The following SGMS2 variants were observed in gnomAD, a reference collection of about 807,000 sequenced individuals.
SGMS2 encodes the protein sphingomyelin synthase 2.
SGMS2 carries 21 observed loss-of-function variants against 43.8 expected under a neutral mutation model. The ratio of observed to expected loss-of-function variants is 0.48; its 90% CI spans 0.34 to 0.69. The LOEUF is 0.69. SGMS2 is among the 30% of genes least tolerant of loss of function. The pLI is 0.01. For missense variants in SGMS2, 384 were observed against 443.2 expected (o/e 0.87, Z 1.20); for synonymous variants, 167 against 160.6 (o/e 1.04, Z -0.30).
intron 2 of SGMS2, among the ~76,000 whole-genome samples, chr4:107,862,986 A>T (rs1182033635): frequency 1.3e-5 from 2 of 152,190 alleles, no homozygotes; most frequent in African/African-American, 4.8e-5. Flanking sequence ...CTTATGTGTT[A>T]TAAGGTGGGG....
At chr4:107,896,116 C>G in intron 3 of SGMS2, 108 bp downstream of exon 3, 1 of 997,712 alleles carries the variant, frequency 1.0e-6, no homozygotes. Flanking sequence ...TTCAGTCTTA[C>G]CCAAACATTT....
intron 1 of SGMS2, among the ~76,000 whole-genome samples, chr4:107,831,103 G>A: frequency 6.6e-6 from 1 of 152,188 alleles, no homozygotes; most frequent in Admixed American, 6.5e-5. Context: ...CCTTAAAGTA[G>A]CCAAGGGTAC....
chr4:107,900,572 C>T (rs899486874), intron 4 of SGMS2, among the ~76,000 whole-genome samples: 3 of 152,162 alleles, frequency 2.0e-5, no homozygotes, highest in Admixed American at 6.5e-5. Context: ...GTGAGGATGT[C>T]TTCTGAAACC....
At chr4:107,846,178 T>C (rs1477270931) in intron 1 of SGMS2, among the ~76,000 whole-genome samples, 1 of 151,340 alleles carries the variant, frequency 6.6e-6, no homozygotes, top group Non-Finnish European at 1.5e-5. Context: ...TAGTTACATA[T>C]GTATACATGT....
intron 2 of SGMS2, among the ~76,000 whole-genome samples, chr4:107,860,264 T>A (rs1288498287): frequency 6.6e-6 from 1 of 152,132 alleles, no homozygotes; most frequent in African/African-American, 2.4e-5. Context: ...GACACTTTCC[T>A]CATTCTTTTT....
chr4:107,909,618 T>C (rs559343123), intron 6 of SGMS2, among the ~76,000 whole-genome samples: 5 of 152,332 alleles, frequency 3.3e-5, no homozygotes, highest in African/African-American at 9.6e-5. Context: ...TCCAGGAAGC[T>C]GTCTCTAACT....
intron 1 of SGMS2, among the ~76,000 whole-genome samples, chr4:107,847,907 A>G (rs1213908967): frequency 6.6e-6 from 1 of 152,164 alleles, no homozygotes; most frequent in East Asian, 1.9e-4. Flanking sequence ...TTGTACAGTT[A>G]AGGAGCCAAT....
chr4:107,852,787 G>C (rs1021057063), intron 1 of SGMS2, among the ~76,000 whole-genome samples: 3 of 151,276 alleles, frequency 2.0e-5, no homozygotes, highest in Non-Finnish European at 1.5e-5. Context: ...TTGGTTAATA[G>C]GCTCAGAACT....
At chr4:107,832,230 T>C (rs1283511117) in intron 1 of SGMS2, among the ~76,000 whole-genome samples, 1 of 152,246 alleles carries the variant, frequency 6.6e-6, no homozygotes, top group Non-Finnish European at 1.5e-5. Context: ...TGCATGAATG[T>C]CATTGAATAT....
chr4:107,831,942 G>T (rs1197468033), intron 1 of SGMS2, among the ~76,000 whole-genome samples: 2 of 152,186 alleles, frequency 1.3e-5, no homozygotes, highest in Admixed American at 1.3e-4. Context: ...CCCTCACAGA[G>T]CTTAGGCTTC....
At chr4:107,864,258 G>A (rs1727954393) in intron 2 of SGMS2, 1 of 152,238 alleles carries the variant, frequency 6.6e-6, no homozygotes, top group African/African-American at 2.4e-5. Context: ...CCAGGCTAGT[G>A]GCTCTGCAGT....
rs1489281163 is a variant in SGMS2, at chr4:107,895,522, C to T, written c.-32C>T. On this transcript the variant is annotated 5_prime_UTR_variant, in exon 3 of 7. Coordinates refer to ENST00000690982, the MANE Select transcript of SGMS2 (RefSeq NM_001375905.1). ...TTTCCACAAAGAACAAGAACTTGAC[C>T]ATCTCCTTTTTGATCTGAAGACTAG... The T allele has an allele frequency of 1.3e-6, 2 of 1,568,456 alleles. No homozygotes were observed. Among genetic ancestry groups the T allele is most frequent in the Non-Finnish European group, 1.7e-6 (2 of 1,157,250 alleles).
chr4:107,902,322 C>T (rs990409876), intron 4 of SGMS2, among the ~76,000 whole-genome samples: 1 of 142,404 alleles, frequency 7.0e-6, no homozygotes, highest in East Asian at 1.9e-4. Flanking sequence ...TATTTCTCTT[C>T]CATGTATTCT....
intron 6 of SGMS2, 117 bp from the exon 7 acceptor site, chr4:107,910,233 C>A: frequency 1.2e-6 from 1 of 825,436 alleles, no homozygotes; most frequent in Admixed American, 2.4e-5. Context: ...ATCATTACTG[C>A]CATGTGATTC....
chr4:107,898,945 T>C (rs568691482), intron 3 of SGMS2, among the ~76,000 whole-genome samples: 1 of 152,334 alleles, frequency 6.6e-6, no homozygotes, highest in South Asian at 2.1e-4. Context: ...TGTAATTAAC[T>C]GTATGAGAAC....
Position 107,905,338 on chromosome 4 carries a change from GA to G in SGMS2, c.727+1955del, listed in dbSNP as rs1026241272. Among the ~76,000 whole-genome samples the G allele has an allele frequency of 9.5e-4, 144 of 152,188 alleles. 2 individuals are homozygous for G. The highest frequency in any genetic ancestry group is 2.9e-3 in the African/African-American group (121 of 41,518). Reference sequence around the variant, plus strand: ...TCACTACCACAAGAACAGTATGGGGGAAACCACCCCCATGATTCAGTTATTT... The same window carrying G: ...TCACTACCACAAGAACAGTATGGGGGAACCACCCCCATGATTCAGTTATTT... On this transcript the variant is annotated intron_variant, in intron 5 of 6. Coordinates refer to ENST00000690982, the MANE Select transcript of SGMS2 (RefSeq NM_001375905.1).
chr4:107,908,801 GT>G, intron 6 of SGMS2, 70 bp downstream of exon 6: 1 of 1,397,932 alleles, frequency 7.2e-7, no homozygotes, highest in Non-Finnish European at 9.9e-7. Context: ...ATGTCGTGGG[GT>G]TTTAGATAGC....
At chr4:107,861,009 G>A (rs1413098829) in intron 2 of SGMS2, among the ~76,000 whole-genome samples, 1 of 152,162 alleles carries the variant, frequency 6.6e-6, no homozygotes, top group Non-Finnish European at 1.5e-5. Context: ...ATAATGATTT[G>A]TTTGTTTCTC....
intron 5 of SGMS2, among the ~76,000 whole-genome samples, chr4:107,904,125 C>T (rs1037587600): frequency 1.4e-4 from 21 of 152,070 alleles, no homozygotes; most frequent in East Asian, 7.7e-4. Context: ...TTATATATTT[C>T]GGAGGATTTG....
Sources: allele counts gnomAD v4.1 joint callset (sites outside exome capture counted in the v4.1 genomes callset), GRCh38; gene constraint gnomAD v4.1.1; transcripts MANE v1.5; gene names NCBI Gene and HGNC (gene_info 2026-07-23, HGNC 2026-07-21).